PTPN14: variants seen among roughly 807,000 people sequenced by gnomAD.
PTPN14 encodes protein tyrosine phosphatase non-receptor type 14.
A neutral mutation model predicts 126.8 loss-of-function variants in PTPN14; 53 were observed. That is an observed-to-expected ratio of 0.42 (90% CI 0.34 to 0.53). The LOEUF (loss-of-function observed/expected upper bound fraction) is 0.53. PTPN14 is among the 20% of genes least tolerant of loss of function. PTPN14 has a pLI of 0.08. For missense variants in PTPN14, 1,257 were observed against 1,552.9 expected (o/e 0.81, Z 3.20); for synonymous variants, 630 against 599.3 (o/e 1.05, Z -0.75).
At chr1:214,538,185 T>C (rs1232209790) in intron 1 of PTPN14, among the ~76,000 whole-genome samples, 1 of 152,008 alleles carries the variant, frequency 6.6e-6, no homozygotes, top group African/African-American at 2.4e-5. Context: ...AACAAGCTGG[T>C]GGATAGACAA....
chr1:214,431,113 G>A (rs535510626), intron 3 of PTPN14, among the ~76,000 whole-genome samples: 5 of 152,152 alleles, frequency 3.3e-5, no homozygotes, highest in African/African-American at 9.7e-5. Flanking sequence ...GACATTGAAC[G>A]GCACAGACAA....
In PTPN14 at chr1:214,482,726, C is replaced by G. The variant is rs1423161132; in HGVS notation, c.-154-17769G>C. 9 of 1,390,928 alleles carry G rather than the reference C, an allele frequency of 6.5e-6. No individual in the cohort carries two copies. The East Asian group carries it at 1.6e-4, about 25-fold the overall frequency. The allele number at this position is 1,390,928 out of a possible 1,614,324, so 86.2% of individuals were successfully genotyped here. On this transcript the variant is annotated intron_variant, in intron 1 of 18. Transcript: ENST00000366956. ...GAGCAAAAGTTAAGACTCTCCTCCT[C>G]TATTTTTGGTAAACAACTGCATGGT...
At chr1:214,507,421 T>C (rs1654870060) in intron 1 of PTPN14, among the ~76,000 whole-genome samples, 1 of 152,202 alleles carries the variant, frequency 6.6e-6, no homozygotes, top group Non-Finnish European at 1.5e-5. Context: ...GTAAAGGACA[T>C]CTCAGAAGTC....
intron 1 of PTPN14, among the ~76,000 whole-genome samples, chr1:214,527,017 G>A (rs147063047): frequency 4.6e-5 from 7 of 152,052 alleles, no homozygotes; most frequent in Admixed American, 3.9e-4. Context: ...CTTGAACCCG[G>A]GAGACAGAGG....
intron 3 of PTPN14, among the ~76,000 whole-genome samples, chr1:214,417,788 G>A (rs1040636699): frequency 3.3e-5 from 5 of 152,106 alleles, no homozygotes; most frequent in Admixed American, 6.5e-5. Flanking sequence ...CTCAGAGGCC[G>A]GGTACGTGTT....
rs539316676 is a variant in PTPN14, at chr1:214,430,985, C to T, written c.345-16259G>A. Among the ~76,000 whole-genome samples the T allele has an allele frequency of 3.3e-5, 5 of 152,064 alleles. No individual in the cohort carries two copies. The East Asian group carries it at 9.7e-4, about 29-fold the overall frequency. Reference sequence around the variant, plus strand: ...AATAATTAATGTGTTGAATGAATGCCCAGAGGTGAGTCTGGAAGGCAAAGG... The same window carrying T: ...AATAATTAATGTGTTGAATGAATGCTCAGAGGTGAGTCTGGAAGGCAAAGG... On this transcript the variant is annotated intron_variant, in intron 3 of 18. Coordinates refer to ENST00000366956, the MANE Select transcript of PTPN14 (RefSeq NM_005401.5).
chr1:214,476,567 A>G (rs1009294098), intron 1 of PTPN14, among the ~76,000 whole-genome samples: 1 of 152,096 alleles, frequency 6.6e-6, no homozygotes, highest in Admixed American at 6.5e-5. Context: ...CTATCCAAAC[A>G]GTGAGCAGCA....
At chr1:214,425,723 T>C (rs1329663566) in intron 3 of PTPN14, among the ~76,000 whole-genome samples, 3 of 152,158 alleles carry the variant, frequency 2.0e-5, no homozygotes, top group Non-Finnish European at 4.4e-5. Flanking sequence ...TTCTCCACAA[T>C]TGGAATTTTT....
At chr1:214,524,142 G>A (rs979338413) in intron 1 of PTPN14, among the ~76,000 whole-genome samples, 16 of 151,618 alleles carry the variant, frequency 1.1e-4, no homozygotes, top group Non-Finnish European at 1.8e-4. Context: ...GAGCCACCAC[G>A]TCTGGCTGAC....
Position 214,391,025 on chromosome 1 carries a change from G to C in PTPN14, c.950C>G (p.Pro317Arg), listed in dbSNP as rs1026025956. 3.8e-6 allele frequency: 6 copies of C among 1,586,998 alleles called. No homozygotes were observed. The highest frequency in any genetic ancestry group is 1.2e-5 in the South Asian group (1 of 86,648). ...GCTCCAGGTGGGCTGGCGTCTGATG[G>C]GGGGTGGAGAATTTGACTGTCTACA... Reference protein sequence around the residue: ...ICTEQSNSPPPIRRQPTWSRS... With the variant: ...ICTEQSNSPPRIRRQPTWSRS... Residue 317 changes from proline to arginine, a missense_variant, in exon 11 of 19, where the codon CCC becomes CGC. Pro to Arg is a moderately radical substitution (Grantham distance 103, BLOSUM62 -2). Transcript: ENST00000366956.
chr1:214,396,846 G>C (rs1467129026), intron 8 of PTPN14, among the ~76,000 whole-genome samples: 6 of 152,196 alleles, frequency 3.9e-5, no homozygotes, highest in Non-Finnish European at 5.9e-5. Context: ...TCAATGCCTG[G>C]ATAGCTTTGA....
chr1:214,485,961 C>T (rs1415776731), intron 1 of PTPN14, among the ~76,000 whole-genome samples: 2 of 152,096 alleles, frequency 1.3e-5, no homozygotes, highest in Non-Finnish European at 2.9e-5. Flanking sequence ...CTCCTGACCT[C>T]GTGATCCGCC....
intron 1 of PTPN14, among the ~76,000 whole-genome samples, chr1:214,542,411 G>T (rs889586219): frequency 6.6e-6 from 1 of 152,184 alleles, no homozygotes; most frequent in Non-Finnish European, 1.5e-5. Flanking sequence ...TGACGCGGGG[G>T]GGCAGCCTCA....
intron 15 of PTPN14, 109 bp downstream of exon 15, chr1:214,376,110 G>C (rs1658336815): frequency 9.8e-7 from 1 of 1,024,548 alleles, no homozygotes; most frequent in Non-Finnish European, 1.4e-6. Context: ...CTGAGGGTCT[G>C]GGGACAAGCC....
At chr1:214,485,773 C>T (rs1157297166) in intron 1 of PTPN14, among the ~76,000 whole-genome samples, 1 of 151,844 alleles carries the variant, frequency 6.6e-6, no homozygotes, top group African/African-American at 2.4e-5. Context: ...TCGCCCAGGC[C>T]AGAGTGCAGT....
intron 7 of PTPN14, among the ~76,000 whole-genome samples, chr1:214,399,957 T>A (rs1031786614): frequency 9.9e-5 from 15 of 151,580 alleles, no homozygotes; most frequent in East Asian, 5.8e-4. Context: ...AAGCAAAATT[T>A]AAAAAAAAAT....
chr1:214,376,559 G>A lies in PTPN14; in HGVS notation c.2689-122C>T. The A allele has an allele frequency of 3.7e-6, 3 of 820,576 alleles. No individual in the cohort carries two copies. In the South Asian group the frequency reaches 5.2e-5, roughly 14 times the overall value. The allele number at this position is 820,576 out of a possible 1,614,324, so 50.8% of individuals were successfully genotyped here. A position where few individuals can be genotyped will look rare whatever the true frequency, so the allele number is the denominator to read the frequency against. On this transcript the variant is annotated intron_variant, in intron 14 of 18. Transcript: ENST00000366956. ...AGAGATTTCAAGTTCTACAATCAAT[G>A]CTTGGTTTGTCTCATTATCAACCAT...
chr1:214,475,024 T>G (rs1315854957), intron 1 of PTPN14, among the ~76,000 whole-genome samples: 2 of 152,140 alleles, frequency 1.3e-5, no homozygotes, highest in Non-Finnish European at 2.9e-5. Flanking sequence ...GTTTGGGAAC[T>G]GAGTAGGGCT....
intron 3 of PTPN14, among the ~76,000 whole-genome samples, chr1:214,447,012 T>C (rs1660159229): frequency 6.6e-6 from 1 of 152,242 alleles, no homozygotes; most frequent in Non-Finnish European, 1.5e-5. Context: ...TATCTTACTC[T>C]GCAGGGCATC....
Sources: gnomAD v4.1 joint callset for allele counts (sites outside exome capture counted in the v4.1 genomes callset) on GRCh38, gnomAD v4.1.1 for gene constraint, MANE v1.5 for transcripts, NCBI Gene and HGNC (gene_info 2026-07-23, HGNC 2026-07-21) for gene names.